The following PRRC2B variants were observed in gnomAD, a reference collection of about 807,000 sequenced individuals.
PRRC2B encodes protein PRRC2B.
Under a neutral mutation model 242.3 loss-of-function variants are expected in PRRC2B, and 68 were observed. The observed-to-expected ratio is 0.28, with a 90% CI of 0.23 to 0.34. The LOEUF (loss-of-function observed/expected upper bound fraction) is 0.34. PRRC2B is among the 10% of genes least tolerant of loss of function. The pLI, the probability that PRRC2B is intolerant of heterozygous loss-of-function variation, is 1.00. For missense variants in PRRC2B, 2,835 were observed against 2,954.8 expected, an observed-to-expected ratio of 0.96 and a Z score of 0.94; for synonymous variants, 1,228 against 1,173.6, an observed-to-expected ratio of 1.05 and a Z score of -0.95.
In PRRC2B at chr9:131,478,511, G is replaced by C; in HGVS notation, c.4650G>C (p.Glu1550Asp). The change falls in exon 18 of 32, where the codon GAG becomes GAC. Residue 1550 changes from glutamate to aspartate, a missense_variant. Physicochemically the swap from Glu to Asp is conservative, Grantham distance 45. Coordinates refer to ENST00000683519, the MANE Select transcript of PRRC2B (RefSeq NM_013318.4). ...AAAATTGCGGGTCCAGCCCCGGGGA[G>C]GAGAGTGAGGTGGGTTCTATGGTGG... ...IIENCGSSPG[E>D]ESEVGSMVGE... 6.2e-7 allele frequency: 1 copy of C among 1,613,694 alleles called. No homozygotes were observed. Among genetic ancestry groups the C allele is most frequent in the East Asian group, 2.2e-5 (1 of 44,850 alleles).
Position 131,476,093 on chromosome 9 carries a change from T to C in PRRC2B, c.3964T>C (p.Ser1322Pro), listed in dbSNP as rs1033990225. 39 of 1,607,202 alleles carry C rather than the reference T, an allele frequency of 2.4e-5. No individual in the cohort carries two copies. The highest frequency in any genetic ancestry group is 3.2e-5 in the Non-Finnish European group (38 of 1,176,004). Reference protein sequence around the residue: ...RFRRLRQERESLGLWGPEEEP... With the variant: ...RFRRLRQEREPLGLWGPEEEP... The stretch of plus-strand genomic sequence containing the variant: ...CCGGCGCCTCCGGCAAGAGCGGGAG[T>C]CCCTGGGCCTGTGGGGACCCGAGGA... The change falls in exon 16 of 32, where the codon TCC becomes CCC. Residue 1322 changes from serine (S) to proline (P), a missense_variant. By Grantham distance (74) the Ser-to-Pro change is moderately conservative. This residue lies in a region of PRRC2B where 1,536 missense variants were observed against 1,483.1 expected (regional missense o/e 1.04). Transcript: ENST00000683519.
rs572411746 is a variant in PRRC2B at position 131,432,921 on chromosome 9, G to C, written c.293+127G>C. The C allele has an allele frequency of 1.9e-4, 165 of 881,804 alleles. 1 individual carries two copies. The South Asian group carries it at 2.9e-3, about 15-fold the overall frequency. The allele number at this position is 881,804 out of a possible 1,614,324, so 54.6% of individuals were successfully genotyped here. On this transcript the variant is annotated intron_variant, in intron 3 of 31. Coordinates refer to ENST00000683519, the MANE Select transcript of PRRC2B (RefSeq NM_013318.4). ...CGCTAGTCTTGCAGTGGCAGAATTG[G>C]AACACTGGGAGATGCAAATGAAGCT...
In PRRC2B at chr9:131,484,696, C is replaced by T; in HGVS notation, c.5471C>T (p.Thr1824Ile). ...QDALASNAGLTQSIPILRRDH... is the reference protein window; with the variant it reads ...QDALASNAGLIQSIPILRRDH... The stretch of plus-strand genomic sequence containing the variant: ...TTTCCTCCTCTCCAGGCAGGGTTAA[C>T]ACAGAGTATCCCCATCCTGCGGCGG... The change falls in exon 24 of 32, where the codon ACA (threonine) becomes ATA (isoleucine). Residue 1824 changes from threonine to isoleucine, a missense_variant. Coordinates refer to ENST00000683519, the MANE Select transcript of PRRC2B (RefSeq NM_013318.4). 3.1e-6 allele frequency: 5 copies of T among 1,610,256 alleles called. No individual in the cohort carries two copies. The highest frequency in any genetic ancestry group is 4.2e-6 in the Non-Finnish European group (5 of 1,178,094).
At position 131,487,448 on chromosome 9, in the gene PRRC2B, C is replaced by T. The variant is rs747223838; in HGVS notation, c.5984+154C>T. 6.6e-5 allele frequency among the ~76,000 whole-genome samples: 10 copies of T among 152,140 alleles called. No individual in the cohort carries two copies. The highest frequency in any genetic ancestry group is 2.2e-4 in the African/African-American group (9 of 41,434). ...GTTTGCTCTGAATCACTCTTCAGTC[C>T]GTTGTTAACTGTGCTCTAGGAGAGG... On this transcript the variant is annotated intron_variant, in intron 27 of 31. Coordinates refer to ENST00000683519, the MANE Select transcript of PRRC2B (RefSeq NM_013318.4). This position sits in a 1 kb window ranked among gnomAD's most constrained non-coding sequence, Gnocchi z 5.3.
chr9:131,485,269 A>G, intron 25 of PRRC2B, 129 bp downstream of exon 25: 1 of 760,898 alleles, frequency 1.3e-6, no homozygotes, highest in Non-Finnish European at 2.1e-6. Flanking sequence ...ACTTGTTTTT[A>G]GGCCCAGTGG....
chr9:131,394,804 G>T (rs1836997859), intron 1 of PRRC2B, among the ~76,000 whole-genome samples: 1 of 151,968 alleles, frequency 6.6e-6, no homozygotes, highest in African/African-American at 2.4e-5. Flanking sequence ...GGGCCCCGGC[G>T]GCGCTAAAGT....
upstream of PRRC2B, among the ~76,000 whole-genome samples, chr9:131,390,337 A>T (rs548702343): frequency 6.7e-6 from 1 of 150,182 alleles, no homozygotes; most frequent in African/African-American, 2.4e-5. Context: ...TTTGATTCCC[A>T]GGGCTCTCCT....
Position 131,482,306 on chromosome 9 carries a change from A to G in PRRC2B, c.4984-65A>G, listed in dbSNP as rs1264207890. 14 of 1,479,006 alleles carry G rather than the reference A, an allele frequency of 9.5e-6. No individual in the cohort carries two copies. The highest frequency in any genetic ancestry group is 1.3e-5 in the Non-Finnish European group (14 of 1,099,446). 91.6% of individuals were successfully genotyped at this position (1,479,006 alleles called of 1,614,324 possible). ...GTAGAAAAGTCTCTGTGCCACATGCAGTTTTACTCTCTGGATAATCGAGTT... is the reference window on the plus strand; with the variant it reads ...GTAGAAAAGTCTCTGTGCCACATGCGGTTTTACTCTCTGGATAATCGAGTT... On this transcript the variant is annotated intron_variant, in intron 20 of 31. Coordinates refer to ENST00000683519, the MANE Select transcript of PRRC2B (RefSeq NM_013318.4). This position sits in a 1 kb window ranked among gnomAD's most constrained non-coding sequence, Gnocchi z 5.2.
chr9:131,451,290 T>C (rs1942910619), intron 9 of PRRC2B, among the ~76,000 whole-genome samples: 1 of 152,104 alleles, frequency 6.6e-6, no homozygotes, highest in Admixed American at 6.5e-5. Context: ...TCCCAGCTAC[T>C]TGGGAGGCGG....
At chr9:131,416,475 C>T (rs1430576464) in intron 1 of PRRC2B, among the ~76,000 whole-genome samples, 2 of 152,156 alleles carry the variant, frequency 1.3e-5, no homozygotes, top group East Asian at 3.8e-4. Context: ...GTTGGAGTTC[C>T]CATATAGCCT....
At chr9:131,398,539 C>T (rs1375407156) in intron 1 of PRRC2B, among the ~76,000 whole-genome samples, 2 of 152,236 alleles carry the variant, frequency 1.3e-5, no homozygotes, top group Non-Finnish European at 2.9e-5. Context: ...TCTGGACCGT[C>T]TTCCTCCTTT....
At chr9:131,430,306 A>T (rs766544657) in intron 2 of PRRC2B, 47 bp downstream of exon 2, 2 of 1,221,692 alleles carry the variant, frequency 1.6e-6, no homozygotes, top group South Asian at 2.6e-5. Context: ...TCTCCGAGTG[A>T]CATATCCCAG....
At chr9:131,451,607 G>C (rs1369199095) in intron 9 of PRRC2B, among the ~76,000 whole-genome samples, 1 of 150,628 alleles carries the variant, frequency 6.6e-6, no homozygotes, top group Non-Finnish European at 1.5e-5. Context: ...TTGCACTGTG[G>C]TATACTTCTA....
intron 1 of PRRC2B, among the ~76,000 whole-genome samples, chr9:131,420,499 T>TCCC: frequency 1.2e-5 from 1 of 84,546 alleles, no homozygotes; most frequent in African/African-American, 4.4e-5. Flanking sequence ...CTTTCTTTTT[T>TCCC]TTTTTTTTTT....
intron 1 of PRRC2B, among the ~76,000 whole-genome samples, chr9:131,410,031 A>G (rs1015324995): frequency 1.3e-5 from 2 of 152,208 alleles, no homozygotes; most frequent in East Asian, 3.8e-4. Flanking sequence ...GGTCCTTGTT[A>G]AATTTTGACG....
At chr9:131,421,876 T>C (rs1588242927) in intron 1 of PRRC2B, among the ~76,000 whole-genome samples, 1 of 152,274 alleles carries the variant, frequency 6.6e-6, no homozygotes, top group East Asian at 1.9e-4. Flanking sequence ...TCAGAACCCA[T>C]TGTGCCGCCT....
chr9:131,400,168 C>T (rs1211555923), intron 1 of PRRC2B, among the ~76,000 whole-genome samples: 1 of 152,186 alleles, frequency 6.6e-6, no homozygotes, highest in East Asian at 1.9e-4. Flanking sequence ...ACCGTAACCT[C>T]TGCATCCTGG....
At chr9:131,441,349 A>G (rs1838565557) in intron 5 of PRRC2B, among the ~76,000 whole-genome samples, 1 of 152,224 alleles carries the variant, frequency 6.6e-6, no homozygotes, top group Admixed American at 6.5e-5. Context: ...TGTGTTACCT[A>G]TAAAAAATGT....
chr9:131,483,292 T>C (rs1943924488), intron 22 of PRRC2B, 67 bp from the exon 23 acceptor site: 1 of 1,421,756 alleles, frequency 7.0e-7, no homozygotes, highest in Non-Finnish European at 9.9e-7. Context: ...CACGTTAATG[T>C]ATGCCTCTGG....
Sources: gnomAD v4.1 joint callset for allele counts (sites outside exome capture counted in the v4.1 genomes callset) on GRCh38, gnomAD v4.1.1 for gene constraint, gnomAD v4.1.1 regional missense constraint, Gnocchi (gnomAD v3.1) non-coding constraint, MANE v1.5 for transcripts, NCBI Gene and HGNC (gene_info 2026-07-23, HGNC 2026-07-21) for gene names.